The following ARHGEF12 variants were observed in gnomAD, a reference collection of about 807,000 sequenced individuals.
ARHGEF12 encodes the protein KMT2A/ARHGEF12 fusion protein.
ARHGEF12 carries 66 observed loss-of-function variants against 211.2 expected under a neutral mutation model. The observed-to-expected ratio is 0.31, with a 90% CI of 0.26 to 0.38. ARHGEF12 has a LOEUF of 0.38. Among genes scored for constraint, ARHGEF12 ranks in the 10% least tolerant of loss-of-function variants. ARHGEF12 has a pLI of 1.00. For synonymous variants in ARHGEF12, 592 were observed against 638.4 expected (o/e 0.93, Z 1.09); for missense variants, 1,429 against 1,869.5 (o/e 0.76, Z 4.34).
chr11:120,384,015 G>A (rs535196458), intron 1 of ARHGEF12, among the ~76,000 whole-genome samples: 5 of 152,248 alleles, frequency 3.3e-5, no homozygotes, highest in South Asian at 4.2e-4. Context: ...GGGTAGCTTC[G>A]TGTTTCTTAG....
chr11:120,349,324 T>C (rs1942863724), intron 1 of ARHGEF12, among the ~76,000 whole-genome samples: 2 of 152,202 alleles, frequency 1.3e-5, no homozygotes, highest in Admixed American at 1.3e-4. Context: ...TATATGGATA[T>C]GTAATAGTAA....
At chr11:120,354,576 G>A (rs149480252) in intron 1 of ARHGEF12, among the ~76,000 whole-genome samples, 1 of 152,294 alleles carries the variant, frequency 6.6e-6, no homozygotes, top group Non-Finnish European at 1.5e-5. Flanking sequence ...GAGAAAAATT[G>A]CTTAAGAGAT....
intron 25 of ARHGEF12, chr11:120,458,676 G>T (rs1034282967): frequency 1.0e-5 from 2 of 193,310 alleles, no homozygotes; most frequent in Admixed American, 5.5e-5. Flanking sequence ...TGTGATAAAT[G>T]TGTGGCATGG....
intron 1 of ARHGEF12, among the ~76,000 whole-genome samples, chr11:120,376,022 A>G (rs1198482741): frequency 6.6e-6 from 1 of 152,182 alleles, no homozygotes; most frequent in African/African-American, 2.4e-5. Flanking sequence ...ACTCATGCCA[A>G]GGGTACTTAC....
At chr11:120,412,259 A>G (rs1394306822) in intron 4 of ARHGEF12, among the ~76,000 whole-genome samples, 1 of 152,222 alleles carries the variant, frequency 6.6e-6, no homozygotes, top group Non-Finnish European at 1.5e-5. Context: ...AACCGCTGTC[A>G]TGGTGTCTGA....
At chr11:120,416,443 C>T (rs747078315) in intron 4 of ARHGEF12, among the ~76,000 whole-genome samples, 5 of 152,050 alleles carry the variant, frequency 3.3e-5, no homozygotes, top group Non-Finnish European at 7.4e-5. Flanking sequence ...CAGTGGGAGT[C>T]TGTAAGAGGG....
intron 1 of ARHGEF12, among the ~76,000 whole-genome samples, chr11:120,374,026 C>T (rs1278440582): frequency 6.6e-6 from 1 of 152,118 alleles, no homozygotes; most frequent in Admixed American, 6.6e-5. Context: ...AGGTTGGGCT[C>T]GAACTCCCGA....
chr11:120,388,037 A>G (rs1198964610), intron 1 of ARHGEF12, among the ~76,000 whole-genome samples: 1 of 152,152 alleles, frequency 6.6e-6, no homozygotes. Flanking sequence ...TTGAGAAAAT[A>G]AACATATTCA....
intron 11 of ARHGEF12, among the ~76,000 whole-genome samples, chr11:120,433,344 T>C (rs2135737241): frequency 6.6e-6 from 1 of 152,354 alleles, no homozygotes; most frequent in Middle Eastern, 3.4e-3. Flanking sequence ...AGAGATTATC[T>C]TAGAAGCCAA....
intron 25 of ARHGEF12, 151 bp downstream of exon 25, chr11:120,458,385 C>G: frequency 1.3e-6 from 1 of 770,662 alleles, no homozygotes; most frequent in East Asian, 3.0e-5. Flanking sequence ...AATCCTTGAA[C>G]TCAAGAAAAT....
chr11:120,426,847 C>T (rs1725011623), intron 7 of ARHGEF12, among the ~76,000 whole-genome samples: 1 of 151,812 alleles, frequency 6.6e-6, no homozygotes, highest in Non-Finnish European at 1.5e-5. Flanking sequence ...CTATTACTGA[C>T]TCTGATTATG....
At position 120,488,544 on chromosome 11, in the gene ARHGEF12, C is replaced by T. The variant is rs540932400; in HGVS notation, c.*3467C>T. ...GTTCCTTTTGCCTTATTCCTTATGC[C>T]TTCCCCACTGGTATTGAGGGTTTTG... On this transcript the variant is annotated 3_prime_UTR_variant, in exon 41 of 41. Transcript: ENST00000397843. 3 of 218,548 alleles carry T rather than the reference C, an allele frequency of 1.4e-5. No homozygotes were observed. Among genetic ancestry groups the T allele is most frequent in the Admixed American group, 1.2e-4 (2 of 17,278 alleles). The allele number at this position is 218,548 out of a possible 1,614,324, so 13.5% of individuals were successfully genotyped here. A position where few individuals can be genotyped will look rare whatever the true frequency, so the allele number is the denominator to read the frequency against.
chr11:120,406,650 C>G (rs1157266559), intron 2 of ARHGEF12, among the ~76,000 whole-genome samples: 3 of 152,166 alleles, frequency 2.0e-5, no homozygotes, highest in Non-Finnish European at 4.4e-5. Context: ...GCACCGCCTC[C>G]CGGGTTCACA....
chr11:120,447,545 A>T (rs936587250), intron 18 of ARHGEF12, among the ~76,000 whole-genome samples: 4 of 152,178 alleles, frequency 2.6e-5, no homozygotes, highest in Non-Finnish European at 4.4e-5. Flanking sequence ...AAGGCCAGGC[A>T]TGGTGGCGCA....
At chr11:120,355,212 T>C (rs2135330843) in intron 1 of ARHGEF12, among the ~76,000 whole-genome samples, 2 of 152,370 alleles carry the variant, frequency 1.3e-5, no homozygotes, top group Middle Eastern at 3.4e-3. Context: ...TTTCCCATAT[T>C]TATTTTTTTA....
At chr11:120,400,514 A>T (rs183662651) in intron 1 of ARHGEF12, among the ~76,000 whole-genome samples, 195 of 152,160 alleles carry the variant, frequency 1.3e-3, no homozygotes, top group African/African-American at 4.2e-3. Context: ...TATAGTCTTT[A>T]AAAAAAAGTA....
intron 2 of ARHGEF12, among the ~76,000 whole-genome samples, chr11:120,406,645 G>T (rs868575256): frequency 6.6e-6 from 1 of 152,066 alleles, no homozygotes; most frequent in African/African-American, 2.4e-5. Flanking sequence ...TGCAAGCACC[G>T]CCTCCCGGGT....
rs503473 is a variant in ARHGEF12 at position 120,484,521 on chromosome 11, A to G, written c.4624+14A>G. 0.44 allele frequency: 713,718 copies of G among 1,608,508 alleles called. 165,289 individuals carry two copies. Among genetic ancestry groups the G allele is most frequent in the East Asian group, 0.66 (29,384 of 44,836 alleles). ...ACAAGCACTCAGGTATGTAAAAGTT[A>G]TGAGTTCCAGACTCTAGACTAATCA... is the stretch of plus-strand genomic sequence containing the variant. On this transcript the variant is annotated intron_variant, in intron 40 of 40. Transcript: ENST00000397843.
intron 1 of ARHGEF12, among the ~76,000 whole-genome samples, chr11:120,384,699 C>CA (rs1269491910): frequency 6.6e-6 from 1 of 152,098 alleles, no homozygotes; most frequent in South Asian, 2.1e-4. Context: ...AATAATCAAA[C>CA]ACAAACAGAC....
Sources: allele counts gnomAD v4.1 joint callset (sites outside exome capture counted in the v4.1 genomes callset), GRCh38; gene constraint gnomAD v4.1.1; transcripts MANE v1.5; gene names NCBI Gene and HGNC (gene_info 2026-07-23, HGNC 2026-07-21).